The following DOCK9 variants were observed in gnomAD, a reference collection of about 807,000 sequenced individuals.
DOCK9 encodes dedicator of cytokinesis protein 9.
DOCK9 carries 89 observed loss-of-function variants against 263.3 expected under a neutral mutation model. That is an observed-to-expected ratio of 0.34 (90% confidence interval 0.28 to 0.40). The LOEUF is 0.40. Among genes scored for constraint, DOCK9 ranks in the 10% least tolerant of loss-of-function variants. The pLI is 1.00. For synonymous variants in DOCK9, 976 were observed against 973.1 expected, an observed-to-expected ratio of 1.00 and a Z score of -0.06; for missense variants, 2,140 against 2,603.4, an observed-to-expected ratio of 0.82 and a Z score of 3.87.
intron 1 of DOCK9, among the ~76,000 whole-genome samples, chr13:99,049,359 G>T (rs976241782): frequency 3.3e-5 from 5 of 152,148 alleles, no homozygotes; most frequent in African/African-American, 1.2e-4. Flanking sequence ...TCATCGGGAG[G>T]CATGGTGTGG....
rs577990938 is a variant in DOCK9 at position 98,842,073 on chromosome 13, T to C, written c.4198+3851A>G. 6.5e-4 allele frequency among the ~76,000 whole-genome samples: 99 copies of C among 152,364 alleles called. No homozygotes were observed. In the South Asian group the frequency reaches 0.019, roughly 29 times the overall value. On this transcript the variant is annotated intron_variant, in intron 38 of 52. Transcript: ENST00000682017. ...TTAACTCAGAGATGTCTACATTCTC[T>C]GTATTTTTCATATTAATTCAATATG...
chr13:99,049,323 G>T (rs2040578081), intron 1 of DOCK9, among the ~76,000 whole-genome samples: 1 of 152,198 alleles, frequency 6.6e-6, no homozygotes, highest in East Asian at 1.9e-4. Context: ...GCTGCTCCTT[G>T]GACAGGGGCA....
chr13:98,893,865 C>T (rs973084663), intron 15 of DOCK9, among the ~76,000 whole-genome samples: 4 of 152,276 alleles, frequency 2.6e-5, no homozygotes, highest in African/African-American at 9.6e-5. Flanking sequence ...TATTGAGGAG[C>T]GTGGCCTCAC....
chr13:98,868,034 A>T, intron 28 of DOCK9, 23 bp from the exon 29 acceptor site: 1 of 1,607,810 alleles, frequency 6.2e-7, no homozygotes, highest in Non-Finnish European at 8.5e-7. Context: ...ACAAGCAAAA[A>T]AGTTATTTCA....
chr13:98,914,132 T>C (rs546578173), intron 9 of DOCK9, among the ~76,000 whole-genome samples, 196 bp downstream of exon 9: 3 of 152,192 alleles, frequency 2.0e-5, no homozygotes, highest in South Asian at 4.1e-4. Flanking sequence ...GAATGCTTTG[T>C]AGGGTACTTT....
intron 1 of DOCK9, among the ~76,000 whole-genome samples, chr13:99,055,516 G>C (rs920916848): frequency 6.6e-6 from 1 of 152,152 alleles, no homozygotes; most frequent in Non-Finnish European, 1.5e-5. Context: ...ACCGCAATGG[G>C]AGAAATTAGA....
At chr13:99,054,123 CTCT>C (rs1207767390) in intron 1 of DOCK9, among the ~76,000 whole-genome samples, 1 of 152,182 alleles carries the variant, frequency 6.6e-6, no homozygotes, top group Non-Finnish European at 1.5e-5. Context: ...AAAGAGGAGA[CTCT>C]TCTGGTGGCT....
chr13:98,916,150 T>C (rs2050854892), intron 7 of DOCK9, among the ~76,000 whole-genome samples: 1 of 152,198 alleles, frequency 6.6e-6, no homozygotes, highest in African/African-American at 2.4e-5. Flanking sequence ...AGACGGAAGA[T>C]GAACATGCAC....
chr13:98,928,431 A>G (rs962101189), intron 3 of DOCK9, among the ~76,000 whole-genome samples: 1 of 152,210 alleles, frequency 6.6e-6, no homozygotes, highest in African/African-American at 2.4e-5. Flanking sequence ...GGGTCCCAAA[A>G]GTGTTTAGTT....
At chr13:98,869,497 A>G (rs2094134116) in intron 27 of DOCK9, among the ~76,000 whole-genome samples, 1 of 152,192 alleles carries the variant, frequency 6.6e-6, no homozygotes. Context: ...TAAACAGAAT[A>G]ATTTACTGAG....
intron 6 of DOCK9, 48 bp from the exon 7 acceptor site, chr13:98,921,136 C>T (rs1249841042): frequency 6.5e-7 from 1 of 1,548,644 alleles, no homozygotes; most frequent in Non-Finnish European, 8.7e-7. Flanking sequence ...TGAAGAGGGT[C>T]ACAATCTCTA....
rs372248596 is a variant in DOCK9, at chr13:98,904,740, A to T, written c.961-34T>A. 3.3e-6 allele frequency: 5 copies of T among 1,526,170 alleles called. No individual in the cohort carries two copies. The African/African-American group carries it at 6.9e-5, about 21-fold the overall frequency. 94.5% of individuals were successfully genotyped at this position (1,526,170 alleles called of 1,614,324 possible). On this transcript the variant is annotated intron_variant, in intron 9 of 52. Transcript: ENST00000682017. ...AAGATACATGAAAATTACATTTAAC[A>T]CAATCCTTTTCTTGCAAAGGTGCCC...
chr13:98,920,872 GTGTT>G, intron 7 of DOCK9, 78 bp downstream of exon 7: 1 of 1,350,236 alleles, frequency 7.4e-7, no homozygotes, highest in Admixed American at 2.7e-5. Context: ...ATTTTTGGAA[GTGTT>G]TGCTTAAATC....
At chr13:99,008,415 G>A (rs1315903885) in intron 1 of DOCK9, among the ~76,000 whole-genome samples, 1 of 151,774 alleles carries the variant, frequency 6.6e-6, no homozygotes, top group African/African-American at 2.4e-5. Context: ...TGTATTTTTA[G>A]TAGAGACGGG....
intron 1 of DOCK9, among the ~76,000 whole-genome samples, chr13:99,035,718 T>C (rs185639583): frequency 1.3e-5 from 2 of 152,358 alleles, no homozygotes; most frequent in East Asian, 1.9e-4. Context: ...TTTTGATCTT[T>C]GTTAAAGTAT....
Position 98,855,797 on chromosome 13 carries a change from C to G in DOCK9, c.3831+101G>C, listed in dbSNP as rs2093693209. On this transcript the variant is annotated intron_variant, in intron 34 of 52. Coordinates refer to ENST00000682017, the MANE Select transcript of DOCK9 (RefSeq NM_001366683.2). ...GTCAGCCGGGTGGTTTAGAAAAAAACAAAAGGTCACACTTAAAAGGCACTA... is the reference window on the plus strand; with the variant it reads ...GTCAGCCGGGTGGTTTAGAAAAAAAGAAAAGGTCACACTTAAAAGGCACTA... 2.1e-5 allele frequency: 30 copies of G among 1,457,062 alleles called. No homozygotes were observed. In the South Asian group the frequency reaches 3.5e-4, roughly 17 times the overall value. The allele number at this position is 1,457,062 out of a possible 1,614,324, so 90.3% of individuals were successfully genotyped here. A position where few individuals can be genotyped will look rare whatever the true frequency, so the allele number is the denominator to read the frequency against.
intron 27 of DOCK9, among the ~76,000 whole-genome samples, chr13:98,877,363 A>G (rs1399088791): frequency 6.6e-6 from 1 of 152,218 alleles, no homozygotes; most frequent in Non-Finnish European, 1.5e-5. Flanking sequence ...CTTATTTTCT[A>G]ATGCAATTCT....
chr13:99,083,517 A>C (rs573110820), intron 1 of DOCK9, among the ~76,000 whole-genome samples: 1 of 152,330 alleles, frequency 6.6e-6, no homozygotes, highest in African/African-American at 2.4e-5. Flanking sequence ...ATCACACATG[A>C]AAAATAATAG....
intron 3 of DOCK9, among the ~76,000 whole-genome samples, chr13:98,928,993 A>C (rs2053496690): frequency 6.6e-6 from 1 of 152,182 alleles, no homozygotes; most frequent in Admixed American, 6.5e-5. Flanking sequence ...TGGAAATTAA[A>C]TATTGTTATT....
Sources: allele counts gnomAD v4.1 joint callset (sites outside exome capture counted in the v4.1 genomes callset), GRCh38; gene constraint gnomAD v4.1.1; transcripts MANE v1.5; gene names NCBI Gene and HGNC (gene_info 2026-07-23, HGNC 2026-07-21).